The following APOL3 variants were observed in gnomAD, a reference collection of about 807,000 sequenced individuals.
The protein encoded by APOL3 is apolipoprotein L3.
In APOL3, 14 loss-of-function variants were observed where a neutral mutation model predicts 11.6. The ratio of observed to expected loss-of-function variants is 1.21; its 90% CI spans 0.80 to 1.89. The LOEUF (loss-of-function observed/expected upper bound fraction) is 1.89. Among genes scored for constraint, APOL3 ranks in the 40% most tolerant of loss-of-function variants. The pLI is 0.00. For synonymous variants in APOL3, 192 were observed against 190.6 expected, an observed-to-expected ratio of 1.01 and a Z score of -0.06; for missense variants, 483 against 492.1, an observed-to-expected ratio of 0.98 and a Z score of 0.17.
At chr22:36,151,142 A>G (rs949236002) in intron 1 of APOL3, among the ~76,000 whole-genome samples, 2 of 152,226 alleles carry the variant, frequency 1.3e-5, no homozygotes, top group Non-Finnish European at 2.9e-5. Flanking sequence ...AATGGAAAAA[A>G]TTAGAGACTT....
chr22:36,141,399 G>A, exon 3 of APOL3: 3 of 1,614,142 alleles, frequency 1.9e-6, no homozygotes, highest in Non-Finnish European at 2.5e-6. Context: ...CAGGATCCGG[G>A]CTCCTCTGCT....
chr22:36,155,389 T>C (rs139955513), intron 1 of APOL3, among the ~76,000 whole-genome samples: 2,203 of 152,252 alleles, frequency 0.014, 45 homozygotes, highest in African/African-American at 0.051. Flanking sequence ...TGTAGAAGCA[T>C]CCTCATCGAA....
intron 1 of APOL3, among the ~76,000 whole-genome samples, chr22:36,155,152 C>T (rs2012545098): frequency 6.6e-6 from 1 of 152,178 alleles, no homozygotes; most frequent in African/African-American, 2.4e-5. Flanking sequence ...GAGGAGGCAA[C>T]AACAAGCCCA....
At chr22:36,164,531 C>T (rs1603476188), upstream of APOL3, 1 of 152,188 alleles carries the variant, frequency 6.6e-6, no homozygotes, top group Non-Finnish European at 1.5e-5. Context: ...CACACTTGTA[C>T]CCTATTTTCC....
At chr22:36,144,868 G>C (rs756454911) in intron 2 of APOL3, among the ~76,000 whole-genome samples, 2 of 151,698 alleles carry the variant, frequency 1.3e-5, no homozygotes, top group Admixed American at 6.6e-5. Flanking sequence ...AAAAATAGCC[G>C]GATGCGGTGG....
intron 1 of APOL3, among the ~76,000 whole-genome samples, chr22:36,152,001 TG>T (rs2011792984): frequency 6.6e-6 from 1 of 152,022 alleles, no homozygotes; most frequent in African/African-American, 2.4e-5. Flanking sequence ...TGTGTGTGTG[TG>T]TGCACGCACA....
At chr22:36,157,697 G>C (rs1393316344) in intron 1 of APOL3, among the ~76,000 whole-genome samples, 1 of 152,178 alleles carries the variant, frequency 6.6e-6, no homozygotes, top group African/African-American at 2.4e-5. Flanking sequence ...TAAAGCAAAG[G>C]TAACTGTCCA....
At chr22:36,145,878 A>G (rs1349404814) in intron 1 of APOL3, among the ~76,000 whole-genome samples, 1 of 151,986 alleles carries the variant, frequency 6.6e-6, no homozygotes, top group Non-Finnish European at 1.5e-5. Flanking sequence ...ACTGGTGTCT[A>G]GTTAAAAGAA....
upstream of APOL3, among the ~76,000 whole-genome samples, chr22:36,163,710 C>T (rs1323354032): frequency 6.6e-6 from 1 of 152,226 alleles, no homozygotes; most frequent in Non-Finnish European, 1.5e-5. Flanking sequence ...GACACTCTCT[C>T]CTGGTAATGG....
At chr22:36,164,635 C>T (rs1312464334), upstream of APOL3, 2 of 152,168 alleles carry the variant, frequency 1.3e-5, no homozygotes, top group African/African-American at 2.4e-5. Flanking sequence ...TTTCCCAAGC[C>T]CCCCAACAGA....
At chr22:36,144,074 T>C (rs80578) in intron 2 of APOL3, among the ~76,000 whole-genome samples, 84,091 of 151,898 alleles carry the variant, frequency 0.55, 24,380 homozygotes, top group Middle Eastern at 0.74. Flanking sequence ...CAGTTCAGAA[T>C]GCCCCAGTTC....
intron 1 of APOL3, among the ~76,000 whole-genome samples, chr22:36,158,776 A>G (rs2013317097): frequency 6.6e-6 from 1 of 152,104 alleles, no homozygotes; most frequent in African/African-American, 2.4e-5. Context: ...CGATGGTGCT[A>G]CTTGCACTCC....
chr22:36,152,837 A>G (rs1259113112), intron 1 of APOL3, among the ~76,000 whole-genome samples: 1 of 152,168 alleles, frequency 6.6e-6, no homozygotes, highest in Non-Finnish European at 1.5e-5. Context: ...GGCTAGGCAC[A>G]CTGGTTCACA....
intron 1 of APOL3, 65 bp downstream of exon 2, chr22:36,148,981 A>C: frequency 7.4e-7 from 1 of 1,351,000 alleles, no homozygotes; most frequent in Middle Eastern, 2.2e-4. Flanking sequence ...TGAGTTGTGG[A>C]AACGCCACCC....
At chr22:36,149,456 A>T (rs761287536) in intron 1 of APOL3, 187 of 1,190,960 alleles carry the variant, frequency 1.6e-4, no homozygotes, top group Non-Finnish European at 2.0e-4. Flanking sequence ...ACACCGAAAT[A>T]GAGATGGGAA....
chr22:36,162,842 T>G (rs561063207), upstream of APOL3, among the ~76,000 whole-genome samples: 1 of 152,232 alleles, frequency 6.6e-6, no homozygotes, highest in Admixed American at 6.5e-5. Context: ...ACGTTCAGCA[T>G]GGCTTTTAAT....
At chr22:36,141,296 A>G (rs751254900) in exon 3 of APOL3, 17 of 1,614,176 alleles carry the variant, frequency 1.1e-5, no homozygotes, top group Non-Finnish European at 1.4e-5. Flanking sequence ...GCTCCTCAGC[A>G]GATGCAGACT....
At chr22:36,156,749 C>A in intron 1 of APOL3, 1 of 324,452 alleles carries the variant, frequency 3.1e-6, no homozygotes, top group Non-Finnish European at 6.2e-6. Context: ...GCAGCTCTAC[C>A]TCTGTGTGGC....
chr22:36,151,090 C>G (rs1270643050), intron 1 of APOL3, among the ~76,000 whole-genome samples: 1 of 152,100 alleles, frequency 6.6e-6, no homozygotes, highest in Non-Finnish European at 1.5e-5. Context: ...TTCACCAGCC[C>G]CACGACCCAT....
Sources: gnomAD v4.1 joint callset for allele counts (sites outside exome capture counted in the v4.1 genomes callset) on GRCh38, gnomAD v4.1.1 for gene constraint, MANE v1.5 for transcripts, NCBI Gene and HGNC (gene_info 2026-07-23, HGNC 2026-07-21) for gene names.